Variants in FBXL2 observed in about 807,000 individuals in gnomAD.
FBXL2 encodes F-box/LRR-repeat protein 2.
FBXL2 carries 38 observed loss-of-function variants against 69.2 expected under a neutral mutation model. The observed-to-expected ratio is 0.55, with a 90% CI of 0.42 to 0.72. The LOEUF (loss-of-function observed/expected upper bound fraction) is 0.72, where lower values mean the gene tolerates loss of function less well. Among genes scored for constraint, FBXL2 ranks in the 30% least tolerant of loss-of-function variants. The pLI is 0.00. For missense variants in FBXL2, 354 were observed against 520.3 expected, an observed-to-expected ratio of 0.68 and a Z score of 3.11; for synonymous variants, 192 against 201.3, an observed-to-expected ratio of 0.95 and a Z score of 0.39.
chr3:33,400,178 C>A (rs765382594), intron 12 of FBXL2: 1 of 1,549,084 alleles, frequency 6.5e-7, no homozygotes, highest in Non-Finnish European at 8.7e-7. Flanking sequence ...TACACACACA[C>A]ATACACATAC....
At position 33,373,724 on chromosome 3, in the gene FBXL2, G is replaced by T. The variant is rs1276150421; in HGVS notation, c.582+20G>T. On this transcript the variant is annotated intron_variant, in intron 8 of 14. Transcript: ENST00000484457. ...ACACAGGTACCAGAGGGTTGATACA[G>T]CTGTTTGTGTTATGTGTCAGGTGTG... 2 of 1,614,050 alleles carry T rather than the reference G, an allele frequency of 1.2e-6. No individual in the cohort carries two copies. The highest frequency in any genetic ancestry group is 4.5e-5 in the East Asian group (2 of 44,888).
downstream of FBXL2, chr3:33,390,028 G>C (rs555751538): frequency 5.7e-6 from 2 of 352,396 alleles, no homozygotes; most frequent in South Asian, 9.5e-5. Context: ...GACAGCAAAG[G>C]CTGCTTCTAG....
At chr3:33,277,068 T>C (rs1440371005), upstream of FBXL2, 1 of 163,576 alleles carries the variant, frequency 6.1e-6, no homozygotes, top group Non-Finnish European at 1.3e-5. Context: ...TAGAATGGAA[T>C]CTGAGCAGTA....
intron 2 of FBXL2, among the ~76,000 whole-genome samples, chr3:33,337,284 A>G (rs763094535): frequency 6.6e-6 from 1 of 152,152 alleles, no homozygotes; most frequent in Non-Finnish European, 1.5e-5. Context: ...AAGTGCTCAT[A>G]TCCAAAAGAT....
In FBXL2 at chr3:33,364,633, G is replaced by T. The variant is rs17192791; in HGVS notation, c.204G>T (p.Val68=). The T allele has an allele frequency of 0.02, 32,464 of 1,613,936 alleles. 400 individuals are homozygous for T. The highest frequency in any genetic ancestry group is 0.023 in the Non-Finnish European group (27,176 of 1,179,790). ...AACTTTCTTGATTAAAGGGTCGAGT[G>T]GTGGAAAATATCTCGAAGCGATGCG... ...FNFQTDVEGR[V]VENISKRCGG... The change falls in exon 5 of 15, where the codon GTG becomes GTT. Residue 68 remains valine (V), a synonymous_variant. Transcript: ENST00000484457.
At chr3:33,337,003 G>A (rs1003779030) in intron 2 of FBXL2, among the ~76,000 whole-genome samples, 9 of 151,948 alleles carry the variant, frequency 5.9e-5, no homozygotes, top group African/African-American at 2.2e-4. Context: ...TCAGGAGTTC[G>A]AGACCAGCCT....
At chr3:33,286,532 C>T (rs994286482) in intron 1 of FBXL2, among the ~76,000 whole-genome samples, 1 of 152,214 alleles carries the variant, frequency 6.6e-6, no homozygotes, top group Non-Finnish European at 1.5e-5. Context: ...ATCTCCAACT[C>T]CGTGCTCAGA....
Position 33,386,947 on chromosome 3 carries a change from A to G in FBXL2, c.*1339A>G, listed in dbSNP as rs1337118408. 1 of 152,208 alleles carries G rather than the reference A, an allele frequency of 6.6e-6. No individual in the cohort carries two copies. Among genetic ancestry groups the G allele is most frequent in the East Asian group, 1.9e-4 (1 of 5,192 alleles). 9.4% of individuals were successfully genotyped at this position (152,208 alleles called of 1,614,324 possible). A position where few individuals can be genotyped will look rare whatever the true frequency, so the allele number is the denominator to read the frequency against. Reference sequence around the variant, plus strand: ...AACGGCAAAAGCAAGATGTGTTCCCATGACTACCAATACCTTTATTAGGCA... The same window carrying G: ...AACGGCAAAAGCAAGATGTGTTCCCGTGACTACCAATACCTTTATTAGGCA... On this transcript the variant is annotated 3_prime_UTR_variant, in exon 15 of 15. Coordinates refer to ENST00000484457, the MANE Select transcript of FBXL2 (RefSeq NM_012157.5).
downstream of FBXL2, chr3:33,388,691 C>A (rs531556173): frequency 1.3e-5 from 2 of 151,968 alleles, no homozygotes; most frequent in Non-Finnish European, 2.9e-5. Flanking sequence ...TGTGGTCACA[C>A]GAAAGCAAAG....
chr3:33,321,493 T>C (rs1461557181), intron 2 of FBXL2, among the ~76,000 whole-genome samples: 13 of 152,150 alleles, frequency 8.5e-5, no homozygotes, highest in Non-Finnish European at 1.6e-4. Flanking sequence ...TCTCGTGAGA[T>C]TGGCAAAAAT....
chr3:33,326,910 T>G lies in FBXL2; in HGVS notation c.65+29185T>G, dbSNP rs955344009. Reference sequence around the variant, plus strand: ...GTGTGTAAATACAAAATAAAAATGCTGAAAGTTGTCACATTCTGAAGCTTT... The same window carrying G: ...GTGTGTAAATACAAAATAAAAATGCGGAAAGTTGTCACATTCTGAAGCTTT... On this transcript the variant is annotated intron_variant, in intron 2 of 14. Coordinates refer to ENST00000484457, the MANE Select transcript of FBXL2 (RefSeq NM_012157.5). Among the ~76,000 whole-genome samples, 10 of 152,326 alleles carry G rather than the reference T, an allele frequency of 6.6e-5. No individual in the cohort carries two copies. In the East Asian group the frequency reaches 1.9e-3, roughly 29 times the overall value.
At chr3:33,355,503 G>GA (rs1482525354) in intron 2 of FBXL2, among the ~76,000 whole-genome samples, 1 of 152,088 alleles carries the variant, frequency 6.6e-6, no homozygotes, top group African/African-American at 2.4e-5. Context: ...AACTTAATAG[G>GA]AAATTCCGAG....
At chr3:33,335,690 T>C (rs2039522429) in intron 2 of FBXL2, among the ~76,000 whole-genome samples, 1 of 152,204 alleles carries the variant, frequency 6.6e-6, no homozygotes, top group Non-Finnish European at 1.5e-5. Context: ...ATTTAATTAT[T>C]TCAAAAGAGG....
chr3:33,379,484 A>G (rs2042873445), intron 13 of FBXL2, among the ~76,000 whole-genome samples: 1 of 150,628 alleles, frequency 6.6e-6, no homozygotes, highest in Non-Finnish European at 1.5e-5. Context: ...CCTCCCGAGT[A>G]GCTGGGATTA....
intron 2 of FBXL2, among the ~76,000 whole-genome samples, chr3:33,313,936 A>G (rs2037442108): frequency 6.6e-6 from 1 of 152,128 alleles, no homozygotes; most frequent in African/African-American, 2.4e-5. Context: ...CTGGATATTA[A>G]CTAGTGGTTC....
Position 33,373,125 on chromosome 3 carries a change from T to G in FBXL2, c.324T>G (p.His108Gln). 1 of 1,614,240 alleles carries G rather than the reference T, an allele frequency of 6.2e-7. No individual in the cohort carries two copies. Among genetic ancestry groups the G allele is most frequent in the Non-Finnish European group, 8.5e-7 (1 of 1,180,032 alleles). ...CACAGAACTGCCGAAACATTGAACATTTGAACCTCAATGGATGCACAAAAA... is the reference window on the plus strand; with the variant it reads ...CACAGAACTGCCGAAACATTGAACAGTTGAACCTCAATGGATGCACAAAAA... ...TFAQNCRNIEHLNLNGCTKIT... is the reference protein window; with the variant it reads ...TFAQNCRNIEQLNLNGCTKIT... The change falls in exon 6 of 15, where the codon CAT becomes CAG. Residue 108 changes from histidine to glutamine, a missense_variant. Coordinates refer to ENST00000484457, the MANE Select transcript of FBXL2 (RefSeq NM_012157.5).
downstream of FBXL2, among the ~76,000 whole-genome samples, chr3:33,408,152 C>T (rs771637480): frequency 5.3e-5 from 8 of 151,808 alleles, no homozygotes; most frequent in Non-Finnish European, 8.8e-5. Context: ...CAAACAGGCT[C>T]TTAGAAGCAT....
At chr3:33,413,465 T>A in the FBXL2 span, among the ~76,000 whole-genome samples, 2 of 144,932 alleles carry the variant, frequency 1.4e-5, no homozygotes, top group Non-Finnish European at 3.0e-5. Flanking sequence ...AAGAATGGTG[T>A]GAACCCGGGA....
At chr3:33,287,993 C>T (rs938566531) in intron 1 of FBXL2, among the ~76,000 whole-genome samples, 1 of 152,124 alleles carries the variant, frequency 6.6e-6, no homozygotes, top group African/African-American at 2.4e-5. Flanking sequence ...ATATGGACAG[C>T]TATGGGTTGG....
Sources: gnomAD v4.1 joint callset for allele counts (sites outside exome capture counted in the v4.1 genomes callset) on GRCh38, gnomAD v4.1.1 for gene constraint, MANE v1.5 for transcripts, NCBI Gene and HGNC (gene_info 2026-07-23, HGNC 2026-07-21) for gene names.